IMMT: variants seen among roughly 807,000 people sequenced by gnomAD.
IMMT encodes the protein inner membrane mitochondrial protein.
In IMMT, 40 loss-of-function variants were observed where a neutral mutation model predicts 92.7. The ratio of observed to expected loss-of-function variants is 0.43; its 90% confidence interval spans 0.34 to 0.56. IMMT has a LOEUF of 0.56. IMMT is among the 20% of genes least tolerant of loss of function. The pLI is 0.03. For missense variants in IMMT, 831 were observed against 912.1 expected (o/e 0.91, Z 1.14); for synonymous variants, 322 against 336.1 (o/e 0.96, Z 0.46).
intron 1 of IMMT, among the ~76,000 whole-genome samples, chr2:86,185,161 C>A (rs1205883705): frequency 2.6e-5 from 4 of 151,340 alleles, no homozygotes; most frequent in Non-Finnish European, 5.9e-5. Flanking sequence ...CAGAGCCAGA[C>A]TCTGTCTTAA....
In IMMT at chr2:86,151,577, C is replaced by T. The variant is rs972556662; in HGVS notation, c.1178-57G>A. On this transcript the variant is annotated intron_variant, in intron 11 of 14. Transcript: ENST00000410111. ...ATGTCACTGAAATTATACCTCATTA[C>T]AAGGTAATCTGCATCAACTGATTAT... 3.2e-5 allele frequency: 39 copies of T among 1,233,930 alleles called. No individual in the cohort carries two copies. The Middle Eastern group carries it at 5.6e-4, about 18-fold the overall frequency. 76.4% of individuals were successfully genotyped at this position (1,233,930 alleles called of 1,614,324 possible).
intron 6 of IMMT, among the ~76,000 whole-genome samples, chr2:86,167,291 C>T (rs1370038451): frequency 6.8e-6 from 1 of 146,330 alleles, no homozygotes; most frequent in African/African-American, 2.5e-5. Flanking sequence ...CCTACCTCAG[C>T]CTCCCGAGTA....
chr2:86,144,362 G>C lies in IMMT; in HGVS notation c.2183C>G (p.Ala728Gly). 1 of 1,613,930 alleles carries C rather than the reference G, an allele frequency of 6.2e-7. No homozygotes were observed. The highest frequency in any genetic ancestry group is 1.1e-5 in the South Asian group (1 of 91,074). ...RRVAQDWLKE[A>G]RMTLETKQIV... ...CTGTTTCGTTTCTAGGGTCATTCGG[G>C]CTTCCTTCAGCCAGTCCTGTGCCAC... The change falls in exon 15 of 15, where the codon GCC (alanine) becomes GGC (glycine). Residue 728 changes from alanine (A) to glycine (G), a missense_variant. Ala to Gly is a moderately conservative substitution (Grantham distance 60). Transcript: ENST00000410111.
Position 86,151,306 on chromosome 2 carries a change from C to G in IMMT, c.1392G>C (p.Gln464His). ...TTCTCATTTCTCTTACCTTTCTGTC[C>G]TGTTCAGCCTGTATTTCACTTCTGT... is the stretch of plus-strand genomic sequence containing the variant. ...EHHRSEIQAE[Q>H]DRKIEEVRDA... Residue 464 changes from glutamine to histidine, a missense_variant, in exon 12 of 15, where the codon CAG (glutamine) becomes CAC (histidine). Physicochemically the swap from Gln to His is conservative, Grantham distance 24. Transcript: ENST00000410111. The G allele has an allele frequency of 6.2e-7, 1 of 1,610,816 alleles. No homozygotes were observed. The highest frequency in any genetic ancestry group is 1.1e-5 in the South Asian group (1 of 91,014).
chr2:86,152,720 C>G (rs907339777), intron 11 of IMMT, among the ~76,000 whole-genome samples: 1 of 151,506 alleles, frequency 6.6e-6, no homozygotes. Flanking sequence ...GAAATTGTGC[C>G]ACTGCACTCC....
chr2:86,163,584 GT>G (rs1290771983), intron 7 of IMMT, among the ~76,000 whole-genome samples: 3 of 152,120 alleles, frequency 2.0e-5, no homozygotes, highest in Non-Finnish European at 4.4e-5. Context: ...CCTCCTTCAA[GT>G]TCAATGAGCC....
At chr2:86,165,230 C>T (rs909668105) in intron 7 of IMMT, among the ~76,000 whole-genome samples, 7 of 152,192 alleles carry the variant, frequency 4.6e-5, no homozygotes, top group African/African-American at 1.4e-4. Flanking sequence ...GCTTCCAATC[C>T]GTGTCCTTCT....
intron 1 of IMMT, among the ~76,000 whole-genome samples, chr2:86,190,902 T>C (rs1479057997): frequency 6.6e-6 from 1 of 152,098 alleles, no homozygotes; most frequent in Non-Finnish European, 1.5e-5. Flanking sequence ...GGCAGGAGAA[T>C]TGCTAGAACC....
intron 5 of IMMT, 101 bp downstream of exon 5, chr2:86,171,107 C>G (rs1677052121): frequency 9.6e-7 from 1 of 1,045,774 alleles, no homozygotes; most frequent in Non-Finnish European, 1.4e-6. Context: ...AGACCTAAAC[C>G]TAGTGTAAAT....
intron 6 of IMMT, 56 bp downstream of exon 6, chr2:86,170,693 A>AACTT: frequency 8.7e-7 from 1 of 1,151,342 alleles, no homozygotes; most frequent in Non-Finnish European, 1.3e-6. Context: ...ATAGTTTAAG[A>AACTT]AGAGAGCAAC....
rs770462726 is a variant in IMMT, at chr2:86,146,065, T to TA, written c.1663+2dup. On this transcript the variant is annotated splice_region_variant and intron_variant, in intron 14 of 14. Transcript: ENST00000410111. ...CTGTAAGATAAACATAGCTTATGCTTACTCTGAACAGCCTGTTCGATTCCT... is the reference window on the plus strand; with the variant it reads ...CTGTAAGATAAACATAGCTTATGCTTAACTCTGAACAGCCTGTTCGATTCCT... The TA allele has an allele frequency of 6.4e-7, 1 of 1,553,648 alleles. No homozygotes were observed. The highest frequency in any genetic ancestry group is 8.7e-7 in the Non-Finnish European group (1 of 1,143,784).
chr2:86,192,705 C>G (rs1673223442), intron 1 of IMMT, among the ~76,000 whole-genome samples: 1 of 152,076 alleles, frequency 6.6e-6, no homozygotes, highest in Non-Finnish European at 1.5e-5. Context: ...TATAGTGATA[C>G]AAGGAAGGCA....
At chr2:86,147,943 G>T in intron 12 of IMMT, 110 bp from the exon 13 acceptor site, 2 of 1,000,988 alleles carry the variant, frequency 2.0e-6, no homozygotes, top group African/African-American at 1.6e-5. Context: ...TATCCTGAAC[G>T]CCTCTAATGT....
chr2:86,178,151 TA>T (rs1054874904), intron 3 of IMMT, among the ~76,000 whole-genome samples: 1 of 150,000 alleles, frequency 6.7e-6, no homozygotes. Flanking sequence ...CCGTCTCTAC[TA>T]AAAAAAATAC....
intron 3 of IMMT, among the ~76,000 whole-genome samples, chr2:86,178,235 G>A (rs1266582247): frequency 3.4e-5 from 5 of 145,044 alleles, no homozygotes; most frequent in African/African-American, 1.0e-4. Flanking sequence ...GGAGAATGGC[G>A]TGAACCCGGG....
At chr2:86,161,826 T>A in intron 8 of IMMT, 150 bp downstream of exon 8, 1 of 607,156 alleles carries the variant, frequency 1.6e-6, no homozygotes, top group Non-Finnish European at 3.0e-6. Flanking sequence ...TACAAATTCC[T>A]AATGCCAATT....
intron 10 of IMMT, among the ~76,000 whole-genome samples, chr2:86,155,176 T>C (rs1244447749): frequency 6.6e-6 from 1 of 152,160 alleles, no homozygotes; most frequent in Non-Finnish European, 1.5e-5. Context: ...CCTGACCTTC[T>C]TAATAACCTT....
chr2:86,144,173 C>T lies in IMMT; in HGVS notation c.*95G>A. 2 of 1,372,376 alleles carry T rather than the reference C, an allele frequency of 1.5e-6. No individual in the cohort carries two copies. The highest frequency in any genetic ancestry group is 2.0e-6 in the Non-Finnish European group (2 of 1,001,678). 85.0% of individuals were successfully genotyped at this position (1,372,376 alleles called of 1,614,324 possible). A position where few individuals can be genotyped will look rare whatever the true frequency, so the allele number is the denominator to read the frequency against. On this transcript the variant is annotated 3_prime_UTR_variant, in exon 15 of 15. Coordinates refer to ENST00000410111, the MANE Select transcript of IMMT (RefSeq NM_006839.3). The stretch of plus-strand genomic sequence containing the variant: ...ACAGTACTTGTAAACCTGCTCATTT[C>T]TAGACAAGTCCGGGACTCTCGCTGC...
intron 1 of IMMT, among the ~76,000 whole-genome samples, chr2:86,184,654 G>A (rs375296978): frequency 3.7e-4 from 56 of 151,892 alleles, no homozygotes; most frequent in Middle Eastern, 3.4e-3. Context: ...TGTTGGGGGC[G>A]GCAGAAGCTG....
Sources: gnomAD v4.1 joint callset for allele counts (sites outside exome capture counted in the v4.1 genomes callset) on GRCh38, gnomAD v4.1.1 for gene constraint, MANE v1.5 for transcripts, NCBI Gene and HGNC (gene_info 2026-07-23, HGNC 2026-07-21) for gene names.